The following WDR12 variants were observed in gnomAD, a reference collection of about 807,000 sequenced individuals.
WDR12 encodes the protein WD repeat domain 12.
Under a neutral mutation model 64.3 loss-of-function variants are expected in WDR12, and 42 were observed. The ratio of observed to expected loss-of-function variants is 0.65; its 90% confidence interval spans 0.51 to 0.84. WDR12 has a LOEUF of 0.84. Among genes scored for constraint, WDR12 ranks in the 40% least tolerant of loss-of-function variants. WDR12 has a pLI of 0.00. For missense variants in WDR12, 469 were observed against 494.6 expected (o/e 0.95, Z 0.49); for synonymous variants, 158 against 173.3 (o/e 0.91, Z 0.70).
chr2:202,890,772 A>C (rs1574405010), intron 8 of WDR12, among the ~76,000 whole-genome samples: 1 of 3,838 alleles, frequency 2.6e-4, no homozygotes, highest in Middle Eastern at 0.25. Flanking sequence ...CTCCGTCTCA[A>C]AAAAAAAAAA....
chr2:202,910,754 TG>T (rs1688585045), intron 1 of WDR12, among the ~76,000 whole-genome samples: 1 of 152,144 alleles, frequency 6.6e-6, no homozygotes, highest in Non-Finnish European at 1.5e-5. Flanking sequence ...GGAGAGAAGA[TG>T]ATTTACTAGC....
intron 11 of WDR12, 50 bp from the exon 12 acceptor site, chr2:202,882,833 A>T: frequency 6.4e-7 from 1 of 1,561,966 alleles, no homozygotes; most frequent in Non-Finnish European, 8.8e-7. Flanking sequence ...GTGTTAAAAC[A>T]AACATTTGAA....
chr2:202,880,768 G>C lies in WDR12; in HGVS notation c.*92C>G. ...GAAAACATTATATAAACTTCAAAAGGCTGCTTTCTGCATCTGCATCTATGT... is the reference window on the plus strand; with the variant it reads ...GAAAACATTATATAAACTTCAAAAGCCTGCTTTCTGCATCTGCATCTATGT... On this transcript the variant is annotated 3_prime_UTR_variant, in exon 13 of 13. Transcript: ENST00000261015. The C allele has an allele frequency of 9.2e-7, 1 of 1,089,518 alleles. No homozygotes were observed. The highest frequency in any genetic ancestry group is 1.3e-6 in the Non-Finnish European group (1 of 763,160). The allele number at this position is 1,089,518 out of a possible 1,614,324, so 67.5% of individuals were successfully genotyped here.
chr2:202,883,999 G>A, intron 10 of WDR12, 199 bp downstream of exon 10: 1 of 643,800 alleles, frequency 1.6e-6, no homozygotes, highest in South Asian at 2.1e-5. Flanking sequence ...TTTTAGTAAA[G>A]GCAGGGTTTC....
chr2:202,893,270 ATAGT>A (rs1185838216), intron 7 of WDR12, among the ~76,000 whole-genome samples: 1 of 152,114 alleles, frequency 6.6e-6, no homozygotes, highest in Non-Finnish European at 1.5e-5. Flanking sequence ...TATGTTATAT[ATAGT>A]AACATGCATA....
chr2:202,911,486 TACACACG>T lies in WDR12; in HGVS notation c.-17_-11del. On this transcript the variant is annotated 5_prime_UTR_variant, in exon 1 of 13. Transcript: ENST00000261015. The stretch of plus-strand genomic sequence containing the variant: ...TTTGGAGCTGAGCCATGGCGAGGAG[TACACACG>T]ACTTGCCCACGGAAACGTACGGGTT... 1 of 1,613,848 alleles carries T rather than the reference TACACACG, an allele frequency of 6.2e-7. No individual in the cohort carries two copies. Among genetic ancestry groups the T allele is most frequent in the South Asian group, 1.1e-5 (1 of 91,058 alleles).
intron 12 of WDR12, 60 bp from the exon 13 acceptor site, chr2:202,880,997 T>C: frequency 7.3e-7 from 1 of 1,363,140 alleles, no homozygotes; most frequent in Non-Finnish European, 1.0e-6. Flanking sequence ...TTTCACATCA[T>C]AGCTAAACCT....
At chr2:202,886,152 TAA>T (rs573306527) in intron 8 of WDR12, among the ~76,000 whole-genome samples, 68 of 131,782 alleles carry the variant, frequency 5.2e-4, no homozygotes, top group Admixed American at 6.2e-4. Flanking sequence ...ATCTTGTCTC[TAA>T]AAAAAAAAAA....
At chr2:202,885,812 C>A (rs992623106) in intron 8 of WDR12, among the ~76,000 whole-genome samples, 1 of 152,090 alleles carries the variant, frequency 6.6e-6, no homozygotes, top group African/African-American at 2.4e-5. Context: ...GTAGTCTCAA[C>A]GCTTTGGGAG....
intron 7 of WDR12, 92 bp from the exon 8 acceptor site, chr2:202,892,794 T>C (rs1688177365): frequency 2.3e-6 from 2 of 873,654 alleles, no homozygotes; most frequent in Non-Finnish European, 3.5e-6. Flanking sequence ...ATATAGTTTT[T>C]CCACGTTATC....
At chr2:202,895,951 G>T (rs1481484436) in intron 6 of WDR12, 114 bp downstream of exon 6, 4 of 1,228,214 alleles carry the variant, frequency 3.3e-6, no homozygotes, top group Non-Finnish European at 4.5e-6. Context: ...CCTATCTTTT[G>T]TCACCGATTG....
Position 202,883,630 on chromosome 2 carries a change from A to C in WDR12, c.1100T>G (p.Val367Gly). 6.2e-7 allele frequency: 1 copy of C among 1,614,076 alleles called. No individual in the cohort carries two copies. Among genetic ancestry groups the C allele is most frequent in the African/African-American group, 1.3e-5 (1 of 75,014 alleles). The change falls in exon 11 of 13, where the codon GTT (valine) becomes GGT (glycine). Residue 367 changes from valine to glycine, a missense_variant. Val to Gly is a moderately radical substitution (Grantham distance 109, BLOSUM62 -3). Transcript: ENST00000261015. Reference protein sequence around the residue: ...QLISGSLDNIVKLWDTRSCKA... With the variant: ...QLISGSLDNIGKLWDTRSCKA... ...TTACCTTCTTGTATCCCACAGCTTA[A>C]CAATGTTATCTAAAGATCCTGAAAT...
At position 202,874,425 on chromosome 2, in the gene WDR12, G is replaced by C. The variant is rs1438007864; in HGVS notation, c.*6435C>G. Among the ~76,000 whole-genome samples the C allele has an allele frequency of 3.3e-5, 5 of 152,114 alleles. No individual in the cohort carries two copies. On this transcript the variant is annotated 3_prime_UTR_variant, in exon 13 of 13. Transcript: ENST00000261015. ...AGAACATTAGATGACTTGGAATGTA[G>C]GGCTCCACAAATGGGATCCAAACCT...
At chr2:202,897,485 A>T in intron 4 of WDR12, 70 bp from the exon 5 acceptor site, 2 of 789,952 alleles carry the variant, frequency 2.5e-6, no homozygotes, top group Non-Finnish European at 2.0e-6. Context: ...TTCTTTGGCA[A>T]TGACAAAGTA....
chr2:202,885,893 C>A (rs1688037649), intron 8 of WDR12, among the ~76,000 whole-genome samples: 1 of 152,040 alleles, frequency 6.6e-6, no homozygotes, highest in Non-Finnish European at 1.5e-5. Context: ...GACCCCGTCT[C>A]TACTAAAAAT....
At position 202,880,769 on chromosome 2, in the gene WDR12, C is replaced by T. The variant is rs1687934321; in HGVS notation, c.*91G>A. On this transcript the variant is annotated 3_prime_UTR_variant, in exon 13 of 13. Transcript: ENST00000261015. ...AAAACATTATATAAACTTCAAAAGG[C>T]TGCTTTCTGCATCTGCATCTATGTA... 1.8e-6 allele frequency: 2 copies of T among 1,111,324 alleles called. No individual in the cohort carries two copies. The highest frequency in any genetic ancestry group is 2.6e-6 in the Non-Finnish European group (2 of 781,864). 68.8% of individuals were successfully genotyped at this position (1,111,324 alleles called of 1,614,324 possible).
rs758404213 is a variant in WDR12 at position 202,911,513 on chromosome 2, CG to C, written c.-38del. 4.4e-6 allele frequency: 7 copies of C among 1,608,938 alleles called. No homozygotes were observed. The South Asian group carries it at 7.7e-5, about 18-fold the overall frequency. On this transcript the variant is annotated 5_prime_UTR_variant, in exon 1 of 13. Coordinates refer to ENST00000261015, the MANE Select transcript of WDR12 (RefSeq NM_018256.4). Reference sequence around the variant, plus strand: ...CACACGACTTGCCCACGGAAACGTACGGGTTAGCAGACCCACAACACGAAGC... The same window carrying C: ...CACACGACTTGCCCACGGAAACGTACGGTTAGCAGACCCACAACACGAAGC...
rs541581448 is a variant in WDR12, at chr2:202,905,108, C to T, written c.136+2757G>A. ...ATCATCAGTGAAATACAAATCAAAA[C>T]TACAATGAGATATCATTTCACCCCA... is the stretch of plus-strand genomic sequence containing the variant. On this transcript the variant is annotated intron_variant, in intron 2 of 12. Transcript: ENST00000261015. Among the ~76,000 whole-genome samples, 11 of 152,312 alleles carry T rather than the reference C, an allele frequency of 7.2e-5. No homozygotes were observed. The South Asian group carries it at 2.3e-3, about 32-fold the overall frequency.
intron 8 of WDR12, among the ~76,000 whole-genome samples, chr2:202,889,229 A>G (rs1169947359): frequency 5.9e-5 from 9 of 152,232 alleles, no homozygotes; most frequent in African/African-American, 1.9e-4. Context: ...AGCTTACGAA[A>G]GTATGCACCT....
Sources: gnomAD v4.1 joint callset for allele counts (sites outside exome capture counted in the v4.1 genomes callset) on GRCh38, gnomAD v4.1.1 for gene constraint, MANE v1.5 for transcripts, NCBI Gene and HGNC (gene_info 2026-07-23, HGNC 2026-07-21) for gene names.